Variants in DMRT1 observed in about 807,000 individuals in gnomAD.
DMRT1 encodes the protein doublesex- and mab-3-related transcription factor 1.
Under a neutral mutation model 32.3 loss-of-function variants are expected in DMRT1, and 7 were observed. The ratio of observed to expected loss-of-function variants is 0.22; its 90% confidence interval spans 0.12 to 0.41. The LOEUF (loss-of-function observed/expected upper bound fraction) is 0.41, where lower values mean the gene tolerates loss of function less well. Ranked by LOEUF, DMRT1 falls within the 10% of genes least tolerant of loss-of-function variation. The probability of loss-of-function intolerance (pLI) is 1.00; values close to 1 mark genes in which losing one functional copy is unlikely to be tolerated. For missense variants in DMRT1, 625 were observed against 500.5 expected (o/e 1.25, Z -2.37); for synonymous variants, 278 against 206.1 (o/e 1.35, Z -2.99).
chr9:841,988 C>G lies in DMRT1; in HGVS notation c.150C>G (p.Ser50Arg). Residue 50 changes from serine to arginine, a missense_variant, in exon 1 of 5, where the codon AGC (serine) becomes AGG (arginine). Coordinates refer to ENST00000382276, the MANE Select transcript of DMRT1 (RefSeq NM_021951.3). ...CCAGCGGCTCGAGCGCCGGGGGCAG[C>G]AGCAGAGGAGGCGGCTCCGGCTCCG... ...GAASGSSAGG[S>R]SRGGGSGSGA... 1 of 1,573,126 alleles carries G rather than the reference C, an allele frequency of 6.4e-7. No homozygotes were observed. Among genetic ancestry groups the G allele is most frequent in the Non-Finnish European group, 8.6e-7 (1 of 1,160,674 alleles).
chr9:894,197 TATGATATTA>T lies in DMRT1; in HGVS notation c.822+5_822+13del, dbSNP rs1817263633. On this transcript the variant is annotated splice_donor_5th_base_variant and intron_variant, in intron 3 of 4. Transcript: ENST00000382276. ...GGTCAGACAGGAAACCAGTGGCAGGTATGATATTAATTACCCAGAGAGTGAACTGGTTGT... is the reference window on the plus strand; with the variant it reads ...GGTCAGACAGGAAACCAGTGGCAGGTATTACCCAGAGAGTGAACTGGTTGT... The T allele has an allele frequency of 6.2e-7, 1 of 1,608,126 alleles. No individual in the cohort carries two copies. Among genetic ancestry groups the T allele is most frequent in the Non-Finnish European group, 8.5e-7 (1 of 1,178,458 alleles).
intron 2 of DMRT1, among the ~76,000 whole-genome samples, chr9:860,662 G>GT (rs1467430535): frequency 6.6e-6 from 1 of 152,200 alleles, no homozygotes; most frequent in Non-Finnish European, 1.5e-5. Flanking sequence ...GCAGTAAGTG[G>GT]TAAGTGCTGT....
chr9:872,922 C>G (rs1054925839), intron 2 of DMRT1, among the ~76,000 whole-genome samples: 6 of 152,166 alleles, frequency 3.9e-5, no homozygotes, highest in African/African-American at 1.4e-4. Context: ...ATTTGTTCAT[C>G]TGGGCCAGCT....
At chr9:847,996 G>A (rs1838978057) in intron 2 of DMRT1, among the ~76,000 whole-genome samples, 1 of 152,218 alleles carries the variant, frequency 6.6e-6, no homozygotes, top group Non-Finnish European at 1.5e-5. Flanking sequence ...GGTCTAGAAT[G>A]TGGGAGCTAT....
At chr9:866,160 T>A (rs1275951063) in intron 2 of DMRT1, among the ~76,000 whole-genome samples, 2 of 23,646 alleles carry the variant, frequency 8.5e-5, no homozygotes, top group African/African-American at 1.0e-4. Flanking sequence ...TGAGAGTCCA[T>A]CTCAAAAAAA....
intron 2 of DMRT1, among the ~76,000 whole-genome samples, chr9:885,312 C>T (rs1816883796): frequency 6.6e-6 from 1 of 152,150 alleles, no homozygotes; most frequent in African/African-American, 2.4e-5. Context: ...TTCTGTATCC[C>T]CTGGTTCTTG....
chr9:930,353 C>G (rs1456152896), intron 4 of DMRT1, among the ~76,000 whole-genome samples: 1 of 151,916 alleles, frequency 6.6e-6, no homozygotes, highest in Non-Finnish European at 1.5e-5. Context: ...CTGCCTCAGC[C>G]TCTCAAGTAG....
At chr9:904,527 A>G (rs1009653513) in intron 3 of DMRT1, among the ~76,000 whole-genome samples, 4 of 152,220 alleles carry the variant, frequency 2.6e-5, no homozygotes, top group African/African-American at 9.7e-5. Flanking sequence ...ATTACAGAGT[A>G]TGCGTTAGAG....
chr9:959,415 C>T (rs1722733543), intron 4 of DMRT1, among the ~76,000 whole-genome samples: 1 of 152,230 alleles, frequency 6.6e-6, no homozygotes, highest in East Asian at 1.9e-4. Flanking sequence ...TTCCCTTTGC[C>T]TCTGTGTCCA....
intron 2 of DMRT1, among the ~76,000 whole-genome samples, chr9:878,744 G>C (rs1816612748): frequency 6.6e-6 from 1 of 152,166 alleles, no homozygotes; most frequent in Non-Finnish European, 1.5e-5. Context: ...TTGTGATTGT[G>C]ATAACAATAA....
chr9:846,261 G>C (rs906134459), intron 1 of DMRT1, among the ~76,000 whole-genome samples: 6 of 152,162 alleles, frequency 3.9e-5, no homozygotes, highest in Admixed American at 1.3e-4. Context: ...TCGAACTCCT[G>C]ACCTCCGGTG....
chr9:865,066 G>C (rs76938802), intron 2 of DMRT1, among the ~76,000 whole-genome samples: 6,983 of 152,254 alleles, frequency 0.046, 206 homozygotes, highest in African/African-American at 0.089. Context: ...GTTACCTTCA[G>C]CTATCTCAGA....
intron 4 of DMRT1, among the ~76,000 whole-genome samples, chr9:967,549 T>A (rs189254783): frequency 6.6e-5 from 10 of 152,308 alleles, no homozygotes; most frequent in African/African-American, 2.4e-4. Context: ...CTTGAAAAAG[T>A]AGGGTGGGTT....
intron 1 of DMRT1, among the ~76,000 whole-genome samples, chr9:844,017 CTG>C (rs1168631963): frequency 1.3e-5 from 2 of 152,106 alleles, no homozygotes; most frequent in Non-Finnish European, 2.9e-5. Flanking sequence ...AAATTATACT[CTG>C]GGCAGAAAAA....
chr9:903,682 C>T (rs369459793), intron 3 of DMRT1, among the ~76,000 whole-genome samples: 1 of 152,124 alleles, frequency 6.6e-6, no homozygotes, highest in East Asian at 1.9e-4. Context: ...CAGTATAGTG[C>T]ACAGGAGAGA....
intron 2 of DMRT1, among the ~76,000 whole-genome samples, chr9:867,983 T>G (rs993474840): frequency 8.5e-5 from 13 of 152,310 alleles, no homozygotes; most frequent in Admixed American, 7.8e-4. Flanking sequence ...AAATCAACAA[T>G]TGTTGTTTTT....
intron 4 of DMRT1, among the ~76,000 whole-genome samples, chr9:918,806 A>G (rs532950651): frequency 2.6e-5 from 4 of 152,236 alleles, no homozygotes; most frequent in Non-Finnish European, 5.9e-5. Flanking sequence ...AATCCCAGCT[A>G]ATTTTTAACA....
At chr9:944,322 C>T (rs1023185402) in intron 4 of DMRT1, among the ~76,000 whole-genome samples, 4 of 152,120 alleles carry the variant, frequency 2.6e-5, no homozygotes, top group Non-Finnish European at 4.4e-5. Flanking sequence ...GGAAAGATTA[C>T]AGTCAAGAGT....
intron 2 of DMRT1, among the ~76,000 whole-genome samples, chr9:887,803 T>C (rs1489111855): frequency 1.3e-5 from 2 of 152,218 alleles, no homozygotes; most frequent in East Asian, 3.8e-4. Flanking sequence ...ATTATTGCTT[T>C]GTAGATTTCC....
Sources: gnomAD v4.1 joint callset for allele counts (sites outside exome capture counted in the v4.1 genomes callset) on GRCh38, gnomAD v4.1.1 for gene constraint, MANE v1.5 for transcripts, NCBI Gene and HGNC (gene_info 2026-07-23, HGNC 2026-07-21) for gene names.